RIPOR2: variants seen among roughly 807,000 people sequenced by gnomAD.
The protein encoded by RIPOR2 is rho family-interacting cell polarization regulator 2.
A neutral mutation model predicts 114.5 loss-of-function variants in RIPOR2; 39 were observed. The ratio of observed to expected loss-of-function variants is 0.34; its 90% CI spans 0.26 to 0.44. RIPOR2 has a LOEUF of 0.44. RIPOR2 is among the 20% of genes least tolerant of loss of function. RIPOR2 has a pLI of 1.00. For synonymous variants in RIPOR2, 445 were observed against 484.4 expected (o/e 0.92, Z 1.07); for missense variants, 1,007 against 1,255.1 (o/e 0.80, Z 2.99).
At chr6:24,825,153 G>T in intron 19 of RIPOR2, 73 bp downstream of exon 19, 2 of 1,079,418 alleles carry the variant, frequency 1.9e-6, no homozygotes, top group Non-Finnish European at 2.7e-6. Flanking sequence ...AGGAATAAAT[G>T]CTAAAATATT....
At chr6:24,984,891 G>C (rs1052187368) in intron 1 of RIPOR2, among the ~76,000 whole-genome samples, 1 of 152,190 alleles carries the variant, frequency 6.6e-6, no homozygotes, top group African/African-American at 2.4e-5. Flanking sequence ...AAGGCAGCCT[G>C]GTTGAGGTTC....
intron 1 of RIPOR2, among the ~76,000 whole-genome samples, chr6:24,966,733 C>A (rs1644120265): frequency 6.6e-6 from 1 of 152,134 alleles, no homozygotes; most frequent in African/African-American, 2.4e-5. Context: ...CCATGTGAAC[C>A]CACATTAGCA....
rs571823043 is a variant in RIPOR2 at position 24,858,896 on chromosome 6, G to T, written c.715+2077C>A. Among the ~76,000 whole-genome samples, 26 of 152,286 alleles carry T rather than the reference G, an allele frequency of 1.7e-4. No individual in the cohort carries two copies. The highest frequency in any genetic ancestry group is 6.0e-4 in the African/African-American group (25 of 41,568). On this transcript the variant is annotated intron_variant, in intron 8 of 21. Transcript: ENST00000643898. The surrounding 1 kb of genome is among the most constrained non-coding windows in gnomAD (Gnocchi z 4.0). ...CCTGAACACCAAGCCTGAAGCTCCA[G>T]ATCTGGTCCGAGGGTGGTCCCTTTC...
intron 1 of RIPOR2, among the ~76,000 whole-genome samples, chr6:24,980,822 G>T (rs1370231009): frequency 6.6e-6 from 1 of 152,208 alleles, no homozygotes; most frequent in African/African-American, 2.4e-5. Context: ...CTCTGGGAAG[G>T]TAAGTGAGCT....
intron 1 of RIPOR2, among the ~76,000 whole-genome samples, chr6:25,041,086 T>G (rs182056808): frequency 1.8e-4 from 28 of 152,352 alleles, no homozygotes; most frequent in African/African-American, 6.5e-4. Context: ...GCTTTCACTA[T>G]CATTTTTCTC....
chr6:25,024,575 C>T (rs1162196651), intron 1 of RIPOR2: 2 of 524,742 alleles, frequency 3.8e-6, no homozygotes, highest in East Asian at 4.2e-5. Flanking sequence ...CAGTGGCAGG[C>T]GACAGAACAA....
At chr6:24,925,639 T>C (rs373971862) in intron 1 of RIPOR2, among the ~76,000 whole-genome samples, 1 of 151,958 alleles carries the variant, frequency 6.6e-6, no homozygotes, top group East Asian at 1.9e-4. Flanking sequence ...GAGGCGGAGG[T>C]TGCAGTGAAC....
intron 10 of RIPOR2, among the ~76,000 whole-genome samples, chr6:24,850,315 G>A (rs1417471240): frequency 6.6e-6 from 1 of 152,044 alleles, no homozygotes; most frequent in Admixed American, 6.5e-5. Context: ...GGCTGGTCTC[G>A]ACCTCCTGGG....
At chr6:24,820,304 T>A (rs1759568336) in intron 19 of RIPOR2, among the ~76,000 whole-genome samples, 1 of 152,244 alleles carries the variant, frequency 6.6e-6, no homozygotes, top group African/African-American at 2.4e-5. Flanking sequence ...GTGCTGGGAT[T>A]ACAGGCGTGA....
At chr6:25,033,709 C>T (rs547664504) in intron 1 of RIPOR2, among the ~76,000 whole-genome samples, 12 of 152,340 alleles carry the variant, frequency 7.9e-5, no homozygotes, top group African/African-American at 2.9e-4. Flanking sequence ...ACAATGAGAA[C>T]TCCCAACACA....
chr6:24,978,606 A>G (rs1389778081), intron 1 of RIPOR2, among the ~76,000 whole-genome samples: 1 of 152,046 alleles, frequency 6.6e-6, no homozygotes, highest in Non-Finnish European at 1.5e-5. Context: ...GTTAAGTTTG[A>G]TCCTTTTTTT....
chr6:24,949,034 A>G (rs1032235663), intron 1 of RIPOR2, among the ~76,000 whole-genome samples: 1 of 152,010 alleles, frequency 6.6e-6, no homozygotes, highest in South Asian at 2.1e-4. Flanking sequence ...TCATCTCTGT[A>G]CATCCATGTC....
intron 1 of RIPOR2, among the ~76,000 whole-genome samples, chr6:24,972,699 T>C (rs956001372): frequency 2.0e-5 from 3 of 152,238 alleles, no homozygotes; most frequent in Non-Finnish European, 4.4e-5. Flanking sequence ...TAAAGTTATT[T>C]GTCCAGCATT....
At chr6:24,840,723 T>G in intron 13 of RIPOR2, 3 of 1,535,404 alleles carry the variant, frequency 2.0e-6, no homozygotes, top group Non-Finnish European at 2.6e-6. Context: ...CTCAGTGATC[T>G]CCGTCCAAGA....
intron 1 of RIPOR2, among the ~76,000 whole-genome samples, chr6:24,942,757 GTTGT>G (rs1772204867): frequency 6.6e-6 from 1 of 152,120 alleles, no homozygotes; most frequent in Non-Finnish European, 1.5e-5. Flanking sequence ...TTTTGATGGG[GTTGT>G]TTGTTTTTTT....
intron 1 of RIPOR2, among the ~76,000 whole-genome samples, chr6:25,031,725 ATATATATATATATATATATATATAT>A (rs1561855726): frequency 1.2e-4 from 13 of 105,498 alleles, no homozygotes; most frequent in African/African-American, 2.2e-4. Flanking sequence ...ATATATATAT[ATATATATATATATATATATATATAT>A]AAAATATCCA....
At chr6:24,810,135 T>C (rs1581459435) in intron 20 of RIPOR2, among the ~76,000 whole-genome samples, 1 of 152,202 alleles carries the variant, frequency 6.6e-6, no homozygotes, top group African/African-American at 2.4e-5. Context: ...CCCGGCCAGC[T>C]GGTAGGAATG....
chr6:24,954,372 G>A (rs903854338), intron 1 of RIPOR2, among the ~76,000 whole-genome samples: 1 of 152,068 alleles, frequency 6.6e-6, no homozygotes, highest in Non-Finnish European at 1.5e-5. Flanking sequence ...AACACAGCAG[G>A]GCAGGTGAGG....
chr6:24,881,679 G>A (rs1427814309), intron 1 of RIPOR2, among the ~76,000 whole-genome samples: 1 of 150,764 alleles, frequency 6.6e-6, no homozygotes, highest in Non-Finnish European at 1.5e-5. Flanking sequence ...ATTATAATAA[G>A]TATAAGATTT....
Sources: allele counts gnomAD v4.1 joint callset (sites outside exome capture counted in the v4.1 genomes callset), GRCh38; gene constraint gnomAD v4.1.1; non-coding constraint Gnocchi (gnomAD v3.1); transcripts MANE v1.5; gene names NCBI Gene and HGNC (gene_info 2026-07-23, HGNC 2026-07-21).